TMEM65: variants seen among roughly 807,000 people sequenced by gnomAD.
The protein encoded by TMEM65 is transmembrane protein 65.
In TMEM65, 22 loss-of-function variants were observed where a neutral mutation model predicts 25.4. The observed-to-expected ratio is 0.86, with a 90% CI of 0.62 to 1.23. TMEM65 has a LOEUF of 1.23. Ranked by LOEUF, TMEM65 falls within the 50% of genes most tolerant of loss-of-function variation. The pLI, the probability that TMEM65 is intolerant of heterozygous loss-of-function variation, is 0.00. For synonymous variants in TMEM65, 132 were observed against 126.2 expected, an observed-to-expected ratio of 1.05 and a Z score of -0.31; for missense variants, 262 against 308.2, an observed-to-expected ratio of 0.85 and a Z score of 1.12.
At chr8:124,368,001 G>A (rs947328034) in intron 1 of TMEM65, among the ~76,000 whole-genome samples, 4 of 152,248 alleles carry the variant, frequency 2.6e-5, no homozygotes, top group East Asian at 3.9e-4. Flanking sequence ...TTCCCTAAGA[G>A]GCTCCCTTTT....
At chr8:124,342,212 T>A (rs889880730) in intron 1 of TMEM65, among the ~76,000 whole-genome samples, 1 of 152,132 alleles carries the variant, frequency 6.6e-6, no homozygotes, top group Non-Finnish European at 1.5e-5. Flanking sequence ...TCATTCATAT[T>A]TGGTTATTTA....
chr8:124,336,526 CAAT>C (rs919991884), intron 1 of TMEM65, among the ~76,000 whole-genome samples: 10 of 151,654 alleles, frequency 6.6e-5, no homozygotes, highest in Admixed American at 6.6e-4. Context: ...GAATCAGTAA[CAAT>C]AAGATATATG....
At chr8:124,359,044 G>A (rs1307627931) in intron 1 of TMEM65, among the ~76,000 whole-genome samples, 1 of 152,210 alleles carries the variant, frequency 6.6e-6, no homozygotes, top group Non-Finnish European at 1.5e-5. Context: ...GGCCTCAGAT[G>A]TCTGACTGGG....
chr8:124,362,609 C>G (rs1440683157), intron 1 of TMEM65, among the ~76,000 whole-genome samples: 1 of 130,886 alleles, frequency 7.6e-6, no homozygotes, highest in Admixed American at 9.4e-5. Context: ...TTGCAGTGAG[C>G]CAAGATCATG....
chr8:124,316,791 T>C (rs544180881), intron 6 of TMEM65, among the ~76,000 whole-genome samples: 1 of 152,182 alleles, frequency 6.6e-6, no homozygotes, highest in Admixed American at 6.5e-5. Context: ...ATATCCTTAT[T>C]CCCTCAAAAC....
rs1057098727 is a variant in TMEM65, at chr8:124,310,128, A to G, written c.*3832T>C. On this transcript the variant is annotated 3_prime_UTR_variant, in exon 7 of 7. Coordinates refer to ENST00000297632, the MANE Select transcript of TMEM65 (RefSeq NM_194291.3). ...AGCCAAGATCACGCCACTGCACTCC[A>G]GCCTGGGTGACATCAAGACTCCATC... is the stretch of plus-strand genomic sequence containing the variant. 2 of 152,424 alleles carry G rather than the reference A, an allele frequency of 1.3e-5. No individual in the cohort carries two copies. The highest frequency in any genetic ancestry group is 2.9e-5 in the Non-Finnish European group (2 of 68,234). 9.4% of individuals were successfully genotyped at this position (152,424 alleles called of 1,614,324 possible).
intron 1 of TMEM65, among the ~76,000 whole-genome samples, chr8:124,335,591 A>G (rs747947967): frequency 6.6e-6 from 1 of 152,124 alleles, no homozygotes; most frequent in Non-Finnish European, 1.5e-5. Context: ...CGGGGCAGTA[A>G]ATGGACTGAT....
intron 1 of TMEM65, among the ~76,000 whole-genome samples, chr8:124,357,790 G>A (rs1312498743): frequency 2.0e-5 from 2 of 98,314 alleles, no homozygotes; most frequent in Admixed American, 2.1e-4. Context: ...GTTGGAGTCA[G>A]ACAAACCTTT....
intron 1 of TMEM65, among the ~76,000 whole-genome samples, chr8:124,371,591 C>T (rs1815012145): frequency 6.6e-6 from 1 of 152,218 alleles, no homozygotes; most frequent in Non-Finnish European, 1.5e-5. Flanking sequence ...GCTCCGGATT[C>T]GGAGGCTGGG....
intron 1 of TMEM65, among the ~76,000 whole-genome samples, chr8:124,331,844 GA>G (rs1004839174): frequency 6.6e-6 from 1 of 151,746 alleles, no homozygotes; most frequent in African/African-American, 2.4e-5. Flanking sequence ...AACAACAAAA[GA>G]ACTAAGGAAT....
At chr8:124,344,428 A>G (rs1455683861) in intron 1 of TMEM65, among the ~76,000 whole-genome samples, 1 of 152,206 alleles carries the variant, frequency 6.6e-6, no homozygotes, top group African/African-American at 2.4e-5. Flanking sequence ...AACATTAGCT[A>G]CTACAGCTGA....
intron 5 of TMEM65, among the ~76,000 whole-genome samples, chr8:124,320,712 G>T (rs1814294111): frequency 6.6e-6 from 1 of 152,094 alleles, no homozygotes; most frequent in Non-Finnish European, 1.5e-5. Flanking sequence ...ATTCTAAGTT[G>T]CCATCATTTA....
Position 124,320,138 on chromosome 8 carries a change from T to A in TMEM65, c.569A>T (p.Asp190Val). ...LASRLGLSIP[D>V]LTPKQVDMWQ... Reference sequence around the variant, plus strand: ...CATGTCAACTTGCTTTGGTGTGAGATCAGGAATTGACAGGCCTAACCTGGA... The same window carrying A: ...CATGTCAACTTGCTTTGGTGTGAGAACAGGAATTGACAGGCCTAACCTGGA... The change falls in exon 6 of 7, where the codon GAT becomes GTT. Residue 190 changes from aspartate (D) to valine (V), a missense_variant. Asp to Val is a radical substitution (Grantham distance 152, BLOSUM62 -3). Coordinates refer to ENST00000297632, the MANE Select transcript of TMEM65 (RefSeq NM_194291.3). 6.2e-7 allele frequency: 1 copy of A among 1,613,388 alleles called. No individual in the cohort carries two copies. Among genetic ancestry groups the A allele is most frequent in the Non-Finnish European group, 8.5e-7 (1 of 1,179,508 alleles).
At chr8:124,335,037 T>C (rs1814488784) in intron 1 of TMEM65, among the ~76,000 whole-genome samples, 1 of 152,030 alleles carries the variant, frequency 6.6e-6, no homozygotes, top group Admixed American at 6.6e-5. Flanking sequence ...CAAAAACTCT[T>C]TGAATAAATA....
chr8:124,310,474 A>T lies in TMEM65; in HGVS notation c.*3486T>A, dbSNP rs1814142843. On this transcript the variant is annotated 3_prime_UTR_variant, in exon 7 of 7. Coordinates refer to ENST00000297632, the MANE Select transcript of TMEM65 (RefSeq NM_194291.3). ...TTAAGAAGACAGGCTTCATACTTGG[A>T]CAAAATAGGATTCCAGTCCACTTAT... The T allele has an allele frequency of 6.6e-6, 1 of 152,198 alleles. No homozygotes were observed. Among genetic ancestry groups the T allele is most frequent in the Admixed American group, 6.5e-5 (1 of 15,272 alleles). The allele number at this position is 152,198 out of a possible 1,614,324, so 9.4% of individuals were successfully genotyped here.
intron 1 of TMEM65, among the ~76,000 whole-genome samples, chr8:124,365,257 T>A (rs1814923103): frequency 6.6e-6 from 1 of 152,208 alleles, no homozygotes; most frequent in African/African-American, 2.4e-5. Flanking sequence ...CTGGAAGCCA[T>A]ATTTCCCAAA....
intron 1 of TMEM65, among the ~76,000 whole-genome samples, chr8:124,338,606 A>G (rs936121053): frequency 2.6e-5 from 4 of 152,194 alleles, no homozygotes; most frequent in African/African-American, 9.7e-5. Flanking sequence ...ATTTTAATTG[A>G]CAACAAGATT....
intron 1 of TMEM65, among the ~76,000 whole-genome samples, chr8:124,349,302 TC>T (rs1814677273): frequency 6.6e-6 from 1 of 151,896 alleles, no homozygotes; most frequent in Non-Finnish European, 1.5e-5. Flanking sequence ...TTGCTTTTTT[TC>T]CCCTCATAAA....
intron 1 of TMEM65, among the ~76,000 whole-genome samples, chr8:124,370,136 T>C (rs1473502582): frequency 1.3e-5 from 2 of 152,164 alleles, no homozygotes; most frequent in East Asian, 1.9e-4. Flanking sequence ...AAAAATATTA[T>C]CTTTATTAGG....
Sources: allele counts gnomAD v4.1 joint callset (sites outside exome capture counted in the v4.1 genomes callset), GRCh38; gene constraint gnomAD v4.1.1; transcripts MANE v1.5; gene names NCBI Gene and HGNC (gene_info 2026-07-23, HGNC 2026-07-21).